ZNF765: variants seen among roughly 807,000 people sequenced by gnomAD.
The protein encoded by ZNF765 is zinc finger protein 765.
ZNF765 carries 37 observed loss-of-function variants against 44.7 expected under a neutral mutation model. That is an observed-to-expected ratio of 0.83 (90% CI 0.64 to 1.09). The LOEUF is 1.09. Among genes scored for constraint, ZNF765 ranks in the 50% least tolerant of loss-of-function variants. The pLI is 0.00. For missense variants in ZNF765, 594 were observed against 626.1 expected (o/e 0.95, Z 0.55); for synonymous variants, 201 against 213.7 (o/e 0.94, Z 0.52).
downstream of ZNF765, among the ~76,000 whole-genome samples, chr19:53,416,554 A>G (rs1007371891): frequency 1.1e-4 from 17 of 152,182 alleles, no homozygotes; most frequent in African/African-American, 3.9e-4. Flanking sequence ...ACCTTTTTGC[A>G]CTGAGAAAAT....
rs189166826 is a variant in ZNF765 at position 53,411,701 on chromosome 19, A to C, written c.*2574A>C. The C allele has an allele frequency of 6.6e-6, 1 of 152,254 alleles. No individual in the cohort carries two copies. The highest frequency in any genetic ancestry group is 6.5e-5 in the Admixed American group (1 of 15,276). The allele number at this position is 152,254 out of a possible 1,614,324, so 9.4% of individuals were successfully genotyped here. On this transcript the variant is annotated 3_prime_UTR_variant, in exon 4 of 4. Transcript: ENST00000396408. ...AACCATAAGTATGGGTTGTAGCTCTATGTTTCTAATCATTTTGATCAATGT... is the reference window on the plus strand; with the variant it reads ...AACCATAAGTATGGGTTGTAGCTCTCTGTTTCTAATCATTTTGATCAATGT...
At chr19:53,405,419 A>G (rs922608994) in intron 3 of ZNF765, among the ~76,000 whole-genome samples, 1 of 152,004 alleles carries the variant, frequency 6.6e-6, no homozygotes, top group Non-Finnish European at 1.5e-5. Context: ...TCAAACACAA[A>G]CAAAAAGAGA....
intron 3 of ZNF765, among the ~76,000 whole-genome samples, chr19:53,407,257 T>C (rs1600056634): frequency 6.6e-6 from 1 of 152,224 alleles, no homozygotes. Context: ...TTGATTTTGG[T>C]TATCCTTACA....
At chr19:53,422,563 TA>T (rs1305522253) in intron 3 of ZNF765, among the ~76,000 whole-genome samples, 1 of 152,154 alleles carries the variant, frequency 6.6e-6, no homozygotes, top group African/African-American at 2.4e-5. Context: ...TTTTTATTTT[TA>T]TTTTTATATA....
chr19:53,395,978 C>CA (rs2085664085), intron 1 of ZNF765, among the ~76,000 whole-genome samples: 1 of 141,852 alleles, frequency 7.0e-6, no homozygotes. Flanking sequence ...AGGGATTTGC[C>CA]AGACACAGCA....
At chr19:53,399,713 T>C (rs4380151) in intron 2 of ZNF765, among the ~76,000 whole-genome samples, 145,192 of 152,088 alleles carry the variant, frequency 0.95, 69,464 homozygotes, top group Non-Finnish European at 0.99. Context: ...TTTGGGGCCA[T>C]ATGTTCCGGT....
In ZNF765 at chr19:53,411,196, GA is replaced by G; in HGVS notation, c.*2070del. 6.4e-6 allele frequency: 1 copy of G among 155,480 alleles called. No homozygotes were observed. Among genetic ancestry groups the G allele is most frequent in the Non-Finnish European group, 1.4e-5 (1 of 70,122 alleles). 9.6% of individuals were successfully genotyped at this position (155,480 alleles called of 1,614,324 possible). Reference sequence around the variant, plus strand: ...GCGCTTTGGGAGGCCAGCACCGGTAGATCACTTGAGTTCAGGAGTTTGAGGT... The same window carrying G: ...GCGCTTTGGGAGGCCAGCACCGGTAGTCACTTGAGTTCAGGAGTTTGAGGT... On this transcript the variant is annotated 3_prime_UTR_variant, in exon 4 of 4. Transcript: ENST00000396408.
chr19:53,404,483 C>G (rs1021559731), intron 3 of ZNF765, among the ~76,000 whole-genome samples: 9 of 152,022 alleles, frequency 5.9e-5, no homozygotes, highest in African/African-American at 2.2e-4. Context: ...GACGGAGTCT[C>G]GGTCTGTCAC....
At chr19:53,400,340 T>A (rs2085711227) in intron 2 of ZNF765, among the ~76,000 whole-genome samples, 1 of 152,188 alleles carries the variant, frequency 6.6e-6, no homozygotes, top group Non-Finnish European at 1.5e-5. Flanking sequence ...AACTTTTCCC[T>A]GTATAAAGAG....
downstream of ZNF765, among the ~76,000 whole-genome samples, chr19:53,416,532 T>C (rs2085876099): frequency 6.6e-6 from 1 of 152,168 alleles, no homozygotes; most frequent in African/African-American, 2.4e-5. Flanking sequence ...TACAACATTA[T>C]AGGACCAGTA....
chr19:53,405,098 T>C (rs1435284384), intron 3 of ZNF765, among the ~76,000 whole-genome samples: 1 of 152,082 alleles, frequency 6.6e-6, no homozygotes, highest in African/African-American at 2.4e-5. Flanking sequence ...AAGCCAGTTA[T>C]CCCAGCACTT....
At chr19:53,417,324 C>T (rs1444737738) in intron 3 of ZNF765, among the ~76,000 whole-genome samples, 1 of 152,004 alleles carries the variant, frequency 6.6e-6, no homozygotes, top group Non-Finnish European at 1.5e-5. Context: ...TTGTTCCCCT[C>T]TATGTATCTG....
downstream of ZNF765, among the ~76,000 whole-genome samples, chr19:53,416,225 A>G (rs138811303): frequency 7.3e-4 from 111 of 152,278 alleles, 1 homozygote; most frequent in Non-Finnish European, 1.4e-3. Context: ...AAATGCTGGC[A>G]TTACACACAG....
Position 53,401,602 on chromosome 19 carries a change from G to A in ZNF765, c.16-463G>A, listed in dbSNP as rs1383641242. Among the ~76,000 whole-genome samples the A allele has an allele frequency of 5.9e-5, 9 of 151,870 alleles. No homozygotes were observed. In the South Asian group the frequency reaches 8.3e-4, roughly 14 times the overall value. On this transcript the variant is annotated intron_variant, in intron 2 of 3. Coordinates refer to ENST00000396408, the MANE Select transcript of ZNF765 (RefSeq NM_001040185.3). ...AAAAAAAAAAACGTTTCTGGGCCGGGCACGGTGGATCATGCATGTAATTCC... is the reference window on the plus strand; with the variant it reads ...AAAAAAAAAAACGTTTCTGGGCCGGACACGGTGGATCATGCATGTAATTCC...
At chr19:53,425,181 G>A (rs1275441236) in exon 4 of ZNF765, 2 of 152,284 alleles carry the variant, frequency 1.3e-5, no homozygotes, top group African/African-American at 4.8e-5. Flanking sequence ...TGTTAGTGCT[G>A]TGCTTGCCAG....
At position 53,407,722 on chromosome 19, in the gene ZNF765, A is replaced by C; in HGVS notation, c.167A>C (p.Lys56Thr). 1 of 1,561,290 alleles carries C rather than the reference A, an allele frequency of 6.4e-7. No homozygotes were observed. The highest frequency in any genetic ancestry group is 8.6e-7 in the Non-Finnish European group (1 of 1,156,338). Reference sequence around the variant, plus strand: ...GATATCTCTTCCAAATGCATGATGAAGGAGTTCTCGTCAACAGCACAAGGC... The same window carrying C: ...GATATCTCTTCCAAATGCATGATGACGGAGTTCTCGTCAACAGCACAAGGC... ...SLDISSKCMM[K>T]EFSSTAQGNR... Residue 56 changes from lysine to threonine, a missense_variant, in exon 4 of 4, where the codon AAG becomes ACG. Lys to Thr is a moderately conservative substitution (Grantham distance 78). Transcript: ENST00000396408.
intron 1 of ZNF765, among the ~76,000 whole-genome samples, chr19:53,395,778 C>G (rs1250574252): frequency 1.3e-5 from 2 of 152,218 alleles, no homozygotes; most frequent in African/African-American, 4.8e-5. Flanking sequence ...CTGCCCAGCT[C>G]CAGCCCCTGG....
At chr19:53,414,432 C>CCA, downstream of ZNF765, among the ~76,000 whole-genome samples, 1 of 96,326 alleles carries the variant, frequency 1.0e-5, no homozygotes, top group East Asian at 3.1e-4. Context: ...CTGACCCTCC[C>CCA]CACCACACAC....
chr19:53,396,343 G>A (rs1030561398), intron 1 of ZNF765, among the ~76,000 whole-genome samples: 2 of 152,166 alleles, frequency 1.3e-5, no homozygotes, highest in African/African-American at 4.8e-5. Flanking sequence ...ACCGGTATGC[G>A]GGAGACAGAA....
Sources: gnomAD v4.1 joint callset for allele counts (sites outside exome capture counted in the v4.1 genomes callset) on GRCh38, gnomAD v4.1.1 for gene constraint, MANE v1.5 for transcripts, NCBI Gene and HGNC (gene_info 2026-07-23, HGNC 2026-07-21) for gene names.